Variants in DPP10 observed in about 807,000 individuals in gnomAD.
The protein encoded by DPP10 is dipeptidyl peptidase like 10.
Under a neutral mutation model 120.9 loss-of-function variants are expected in DPP10, and 33 were observed. The ratio of observed to expected loss-of-function variants is 0.27; its 90% CI spans 0.21 to 0.37. The LOEUF (loss-of-function observed/expected upper bound fraction) is 0.37, where lower values mean the gene tolerates loss of function less well. DPP10 is among the 10% of genes least tolerant of loss of function. The pLI, the probability that DPP10 is intolerant of heterozygous loss-of-function variation, is 1.00. For missense variants in DPP10, 816 were observed against 942.8 expected (o/e 0.87, Z 1.76); for synonymous variants, 337 against 326.1 (o/e 1.03, Z -0.36).
At chr2:115,831,920 A>G (rs1000068334) in intron 21 of DPP10, among the ~76,000 whole-genome samples, 4 of 152,164 alleles carry the variant, frequency 2.6e-5, no homozygotes, top group Admixed American at 1.3e-4. Context: ...CACAATGAAA[A>G]CAGAGCAGCC....
intron 7 of DPP10, among the ~76,000 whole-genome samples, chr2:115,704,027 A>T (rs1165004790): frequency 6.6e-6 from 1 of 151,920 alleles, no homozygotes; most frequent in African/African-American, 2.4e-5. Context: ...AATGTACTTA[A>T]CAGACTCCCA....
chr2:114,999,502 T>G (rs1701302669), intron 1 of DPP10, among the ~76,000 whole-genome samples: 1 of 152,208 alleles, frequency 6.6e-6, no homozygotes, highest in African/African-American at 2.4e-5. Flanking sequence ...TACAACACCC[T>G]TGAAGATTGG....
chr2:115,764,215 G>C (rs1680449751), intron 12 of DPP10, among the ~76,000 whole-genome samples: 1 of 151,628 alleles, frequency 6.6e-6, no homozygotes, highest in South Asian at 2.1e-4. Flanking sequence ...CAATATGTAA[G>C]AATTCAATAT....
intron 5 of DPP10, among the ~76,000 whole-genome samples, chr2:115,618,536 C>T (rs2084698664): frequency 6.6e-6 from 1 of 152,138 alleles, no homozygotes; most frequent in South Asian, 2.1e-4. Context: ...GATTTGCTTC[C>T]GAAAATATTT....
intron 4 of DPP10, among the ~76,000 whole-genome samples, chr2:115,515,322 G>A (rs547449593): frequency 5.4e-4 from 82 of 152,028 alleles, no homozygotes; most frequent in Non-Finnish European, 1.1e-3. Flanking sequence ...CCCACCAATA[G>A]TGTATGATAC....
At chr2:115,062,785 T>A (rs566014064) in intron 1 of DPP10, among the ~76,000 whole-genome samples, 34 of 152,372 alleles carry the variant, frequency 2.2e-4, no homozygotes, top group Non-Finnish European at 4.3e-4. Flanking sequence ...TTATCCAGTC[T>A]ATTATTGATG....
At chr2:114,668,733 T>A (rs899137247) in intron 1 of DPP10, among the ~76,000 whole-genome samples, 1 of 152,162 alleles carries the variant, frequency 6.6e-6, no homozygotes, top group Non-Finnish European at 1.5e-5. Context: ...GCTTTCCTTA[T>A]ATGTGTGAAA....
At chr2:115,687,113 G>A (rs1044950343) in intron 5 of DPP10, among the ~76,000 whole-genome samples, 1 of 151,862 alleles carries the variant, frequency 6.6e-6, no homozygotes, top group African/African-American at 2.4e-5. Context: ...ATTAGCACAG[G>A]GTGAATTTAG....
chr2:115,788,852 C>T (rs1273810209), intron 17 of DPP10, among the ~76,000 whole-genome samples: 2 of 152,168 alleles, frequency 1.3e-5, no homozygotes, highest in African/African-American at 2.4e-5. Flanking sequence ...CGCGGTGGCT[C>T]ACGCCTGTAA....
At chr2:115,541,579 G>A (rs143754422) in intron 5 of DPP10, among the ~76,000 whole-genome samples, 2 of 151,938 alleles carry the variant, frequency 1.3e-5, no homozygotes, top group African/African-American at 4.8e-5. Context: ...AGAAAGTTCA[G>A]ATAATTTGCT....
intron 5 of DPP10, among the ~76,000 whole-genome samples, chr2:115,535,435 T>C (rs1037741472): frequency 5.9e-5 from 9 of 152,100 alleles, no homozygotes; most frequent in Non-Finnish European, 1.2e-4. Flanking sequence ...ATATGTGGCG[T>C]TATTTCTGAG....
chr2:115,735,525 A>AT (rs1029018823), intron 8 of DPP10, among the ~76,000 whole-genome samples: 54 of 142,106 alleles, frequency 3.8e-4, no homozygotes, highest in East Asian at 8.2e-4. Flanking sequence ...ATCCTTTTCT[A>AT]TTTTTTTTTT....
At chr2:115,736,028 T>C (rs1432377710) in intron 8 of DPP10, among the ~76,000 whole-genome samples, 1 of 152,072 alleles carries the variant, frequency 6.6e-6, no homozygotes, top group Non-Finnish European at 1.5e-5. Context: ...TTGTCTTTTT[T>C]TGGGGGAGTT....
At chr2:114,538,832 G>A (rs1686722402) in intron 1 of DPP10, among the ~76,000 whole-genome samples, 1 of 152,172 alleles carries the variant, frequency 6.6e-6, no homozygotes, top group African/African-American at 2.4e-5. Context: ...GCACCCGAGA[G>A]CACACATCTC....
intron 1 of DPP10, among the ~76,000 whole-genome samples, chr2:114,612,371 C>T (rs1040847284): frequency 1.3e-5 from 2 of 152,180 alleles, no homozygotes; most frequent in Non-Finnish European, 2.9e-5. Flanking sequence ...ACAGGCAGGG[C>T]TAAGCAACCC....
intron 1 of DPP10, chr2:115,233,942 A>G: frequency 1.9e-6 from 1 of 518,590 alleles, no homozygotes; most frequent in South Asian, 1.4e-5. Context: ...TAAAGCTTAG[A>G]AAGTTCTAGA....
intron 1 of DPP10, among the ~76,000 whole-genome samples, chr2:114,862,427 A>T (rs1229496966): frequency 1.3e-5 from 2 of 152,160 alleles, no homozygotes; most frequent in Non-Finnish European, 2.9e-5. Context: ...ATGCTAGCAG[A>T]GTGGAAAAAA....
At chr2:115,157,720 CAGA>C (rs2052016040) in intron 1 of DPP10, among the ~76,000 whole-genome samples, 1 of 152,142 alleles carries the variant, frequency 6.6e-6, no homozygotes, top group African/African-American at 2.4e-5. Flanking sequence ...CAAATGATAG[CAGA>C]AGATATGAAC....
intron 1 of DPP10, among the ~76,000 whole-genome samples, chr2:114,900,373 C>G (rs952975241): frequency 1.3e-5 from 2 of 152,172 alleles, no homozygotes; most frequent in South Asian, 2.1e-4. Context: ...TATGAGTAAA[C>G]CAGTGGCTCC....
Sources: allele counts gnomAD v4.1 joint callset (sites outside exome capture counted in the v4.1 genomes callset), GRCh38; gene constraint gnomAD v4.1.1; transcripts MANE v1.5; gene names NCBI Gene and HGNC (gene_info 2026-07-23, HGNC 2026-07-21).